Variants in ABCC10 observed in about 807,000 individuals in gnomAD.
ABCC10 encodes the protein ATP binding cassette subfamily C member 10, also known as ATP-binding cassette sub-family C member 10.
In ABCC10, 110 loss-of-function variants were observed where a neutral mutation model predicts 143.2. The ratio of observed to expected loss-of-function variants is 0.77; its 90% confidence interval spans 0.66 to 0.90. The LOEUF is 0.90. Ranked by LOEUF, ABCC10 falls within the 40% of genes least tolerant of loss-of-function variation. ABCC10 has a pLI of 0.00. For missense variants in ABCC10, 1,700 were observed against 1,900.5 expected (o/e 0.89, Z 1.96); for synonymous variants, 805 against 846.7 (o/e 0.95, Z 0.85).
intron 9 of ABCC10, among the ~76,000 whole-genome samples, chr6:43,442,730 C>CAA (rs113079901): frequency 1.7e-4 from 24 of 137,574 alleles, no homozygotes; most frequent in African/African-American, 5.4e-4. Flanking sequence ...GACCATGTCT[C>CAA]AAAAAAAAAA....
At chr6:43,436,408 G>A (rs1046266357) in intron 6 of ABCC10, among the ~76,000 whole-genome samples, 161 bp downstream of exon 6, 2 of 152,198 alleles carry the variant, frequency 1.3e-5, no homozygotes, top group Non-Finnish European at 2.9e-5. Context: ...ATCATGAGGA[G>A]ATGACACCTC....
At chr6:43,438,937 C>T in intron 8 of ABCC10, 142 bp downstream of exon 8, 3 of 1,025,574 alleles carry the variant, frequency 2.9e-6, no homozygotes, top group South Asian at 3.2e-5. Flanking sequence ...GACTGTGGTC[C>T]TCCCAGAGTG....
At position 43,434,679 on chromosome 6, in the gene ABCC10, C is replaced by A; in HGVS notation, c.1439C>A (p.Ala480Glu). The A allele has an allele frequency of 6.2e-7, 1 of 1,614,146 alleles. No homozygotes were observed. Among genetic ancestry groups the A allele is most frequent in the African/African-American group, 1.3e-5 (1 of 75,042 alleles). Residue 480 changes from alanine to glutamate, a missense_variant, in exon 4 of 22, where the codon GCA becomes GAA. Transcript: ENST00000372530. ...RVIKFCGWEQ[A>E]LGARVEACRA... ...ATCAAGTTCTGCGGGTGGGAGCAGGCACTGGGAGCCCGAGTAGAGGCCTGC... is the reference window on the plus strand; with the variant it reads ...ATCAAGTTCTGCGGGTGGGAGCAGGAACTGGGAGCCCGAGTAGAGGCCTGC...
rs566076859 is a variant in ABCC10, at chr6:43,445,609, C to G, written c.3041C>G (p.Thr1014Ser). Reference protein sequence around the residue: ...LLHRVLMAPVTFFNATPTGRI... With the variant: ...LLHRVLMAPVSFFNATPTGRI... The stretch of plus-strand genomic sequence containing the variant: ...GCGTCCTTCTCCCAGGCACCAGTGA[C>G]TTTCTTCAATGCCACACCCACGGGC... The change falls in exon 15 of 22, where the codon ACT becomes AGT. Residue 1014 changes from threonine to serine, a missense_variant. Transcript: ENST00000372530. 6.2e-7 allele frequency: 1 copy of G among 1,609,804 alleles called. No individual in the cohort carries two copies. The highest frequency in any genetic ancestry group is 2.2e-5 in the East Asian group (1 of 44,766).
chr6:43,440,119 C>CAG, intron 8 of ABCC10, among the ~76,000 whole-genome samples: 1 of 151,502 alleles, frequency 6.6e-6, no homozygotes, highest in Non-Finnish European at 1.5e-5. Context: ...GCCACGCCTG[C>CAG]CTAATTTTTG....
chr6:43,449,094 G>A lies in ABCC10; in HGVS notation c.4106-13G>A. ...ATGGCCTGGGCCCTGCAACGAAGAT[G>A]CTTTCCTTGCAGGTGGTCTGGATGG... On this transcript the variant is annotated splice_polypyrimidine_tract_variant and intron_variant, in intron 19 of 21. Coordinates refer to ENST00000372530, the MANE Select transcript of ABCC10 (RefSeq NM_001198934.2). The A allele has an allele frequency of 1.2e-6, 2 of 1,614,126 alleles. No homozygotes were observed. Among genetic ancestry groups the A allele is most frequent in the South Asian group, 1.1e-5 (1 of 91,074 alleles).
rs747090196 is a variant in ABCC10 at position 43,432,826 on chromosome 6, A to T, written c.846A>T (p.Gly282=). 1 of 1,614,086 alleles carries T rather than the reference A, an allele frequency of 6.2e-7. No individual in the cohort carries two copies. Among genetic ancestry groups the T allele is most frequent in the South Asian group, 1.1e-5 (1 of 91,086 alleles). ...RLWRALYGAF[G]RCYLALGLLK... ...GGAGGGCCTTGTATGGGGCCTTTGG[A>T]CGGTGCTATCTGGCACTTGGACTGC... The change falls in exon 3 of 22, where the codon GGA becomes GGT. Residue 282 remains glycine, a synonymous_variant. Coordinates refer to ENST00000372530, the MANE Select transcript of ABCC10 (RefSeq NM_001198934.2).
rs780779576 is a variant in ABCC10, at chr6:43,428,010, G to A, written c.32G>A (p.Ser11Asn). 3.7e-6 allele frequency: 6 copies of A among 1,610,694 alleles called. No homozygotes were observed. Among genetic ancestry groups the A allele is most frequent in the Non-Finnish European group, 4.2e-6 (5 of 1,179,048 alleles). The change falls in exon 2 of 22, where the codon AGC becomes AAC. Residue 11 changes from serine (S) to asparagine (N), a missense_variant. Coordinates refer to ENST00000372530, the MANE Select transcript of ABCC10 (RefSeq NM_001198934.2). MERLLAQLCG[S>N]SAAWPLPLWE... ...CGACTTCTGGCCCAGCTGTGCGGCA[G>A]CAGCGCAGCGTGGCCGCTCCCGCTG...
chr6:43,437,542 A>T (rs1390538872), intron 6 of ABCC10, among the ~76,000 whole-genome samples: 1 of 151,776 alleles, frequency 6.6e-6, no homozygotes, highest in East Asian at 1.9e-4. Flanking sequence ...CTCTAGCCAC[A>T]GGTCGACTTA....
downstream of ABCC10, chr6:43,451,923 G>A (rs576502207): frequency 1.9e-5 from 30 of 1,613,420 alleles, no homozygotes; most frequent in African/African-American, 2.5e-4. The surrounding 1 kb of genome is among the most constrained non-coding windows in gnomAD (Gnocchi z 4.4). Flanking sequence ...CACTCACCCT[G>A]AGGGCCCAGC....
rs77750675 is a variant in ABCC10 at position 43,443,445 on chromosome 6, G to C, written c.2416+286G>C. 234 of 382,708 alleles carry C rather than the reference G, an allele frequency of 6.1e-4. No individual in the cohort carries two copies. In the East Asian group the frequency reaches 8.6e-3, roughly 14 times the overall value. The allele number at this position is 382,708 out of a possible 1,614,324, so 23.7% of individuals were successfully genotyped here. ...TCTCATATCTTCAGAGAAGAGAAAG[G>C]AGTCAGGTTTAGAATGGTCTTTTTG... On this transcript the variant is annotated intron_variant, in intron 10 of 21. Coordinates refer to ENST00000372530, the MANE Select transcript of ABCC10 (RefSeq NM_001198934.2). The surrounding 1 kb of genome is among the most constrained non-coding windows in gnomAD (Gnocchi z 4.2).
At chr6:43,434,952 G>C in intron 4 of ABCC10, 104 bp downstream of exon 4, 2 of 1,224,298 alleles carry the variant, frequency 1.6e-6, no homozygotes, top group Non-Finnish European at 2.3e-6. Context: ...AGGGATCCCT[G>C]ACTGCCTCAT....
At chr6:43,448,164 T>C in intron 18 of ABCC10, 1 of 705,658 alleles carries the variant, frequency 1.4e-6, no homozygotes, top group Non-Finnish European at 2.5e-6. Context: ...AGGCCACCTT[T>C]CCAGCTTCAT....
chr6:43,449,175 T>C lies in ABCC10; in HGVS notation c.4174T>C (p.Leu1392=). ...TCTTGGGCAGAGGCAGCTGTTGTGT[T>C]TGGCCAGGGCTCTCCTCACAGATGC... ...LSLGQRQLLC[L]ARALLTDAKI... is the part of the protein sequence containing the mutation. Residue 1392 remains leucine (L), a synonymous_variant, in exon 20 of 22, where the codon TTG becomes CTG. Transcript: ENST00000372530. The C allele has an allele frequency of 6.2e-7, 1 of 1,614,060 alleles. No individual in the cohort carries two copies. Among genetic ancestry groups the C allele is most frequent in the South Asian group, 1.1e-5 (1 of 91,078 alleles).
intron 6 of ABCC10, among the ~76,000 whole-genome samples, chr6:43,437,433 CAAAAAAAAAAAAAAA>C (rs57827467): frequency 1.1e-4 from 11 of 102,360 alleles, no homozygotes; most frequent in Non-Finnish European, 8.7e-5. Context: ...AACATATGAC[CAAAAAAAAAAAAAAA>C]AAAAAAAAAG....
intron 7 of ABCC10, chr6:43,438,407 C>T: frequency 1.4e-6 from 2 of 1,426,156 alleles, no homozygotes; most frequent in Non-Finnish European, 9.1e-7. Context: ...ACAACAGCTG[C>T]TTGGCTGTAG....
Position 43,445,619 on chromosome 6 carries a change from T to G in ABCC10, c.3051T>G (p.Asn1017Lys). 6.8e-6 allele frequency: 11 copies of G among 1,610,638 alleles called. No homozygotes were observed. Among genetic ancestry groups the G allele is most frequent in the Non-Finnish European group, 9.3e-6 (11 of 1,177,714 alleles). Residue 1017 changes from asparagine (N) to lysine (K), a missense_variant, in exon 15 of 22, where the codon AAT (asparagine) becomes AAG (lysine). Physicochemically the swap from Asn to Lys is moderately conservative, Grantham distance 94. Transcript: ENST00000372530. ...RVLMAPVTFF[N>K]ATPTGRILNR... Reference sequence around the variant, plus strand: ...CCCAGGCACCAGTGACTTTCTTCAATGCCACACCCACGGGCCGGATCCTAA... The same window carrying G: ...CCCAGGCACCAGTGACTTTCTTCAAGGCCACACCCACGGGCCGGATCCTAA...
chr6:43,439,733 G>T (rs1782138024), intron 8 of ABCC10, among the ~76,000 whole-genome samples: 1 of 152,104 alleles, frequency 6.6e-6, no homozygotes, highest in Non-Finnish European at 1.5e-5. Context: ...ACAGCTGCGT[G>T]CCACCATGCC....
intron 3 of ABCC10, 66 bp from the exon 4 acceptor site, chr6:43,434,555 G>T: frequency 6.8e-7 from 1 of 1,461,342 alleles, no homozygotes. Context: ...CCTGGGGAAG[G>T]CTTGGCAGGG....
Sources: allele counts gnomAD v4.1 joint callset (sites outside exome capture counted in the v4.1 genomes callset), GRCh38; gene constraint gnomAD v4.1.1; non-coding constraint Gnocchi (gnomAD v3.1); transcripts MANE v1.5; gene names NCBI Gene and HGNC (gene_info 2026-07-23, HGNC 2026-07-21).